Variants in PTPN4 observed in about 807,000 individuals in gnomAD.
PTPN4 encodes the protein tyrosine-protein phosphatase non-receptor type 4.
In PTPN4, 49 loss-of-function variants were observed where a neutral mutation model predicts 135.5. The observed-to-expected ratio is 0.36, with a 90% confidence interval of 0.29 to 0.46. The LOEUF (loss-of-function observed/expected upper bound fraction) is 0.46. Ranked by LOEUF, PTPN4 falls within the 20% of genes least tolerant of loss-of-function variation. PTPN4 has a pLI of 1.00. For synonymous variants in PTPN4, 333 were observed against 369.9 expected (o/e 0.90, Z 1.14); for missense variants, 860 against 1,101.0 (o/e 0.78, Z 3.10).
At position 119,920,269 on chromosome 2, in the gene PTPN4, T is replaced by G. The variant is rs1301314560; in HGVS notation, c.1001+28T>G. On this transcript the variant is annotated intron_variant, in intron 12 of 26. Coordinates refer to ENST00000263708, the MANE Select transcript of PTPN4 (RefSeq NM_002830.4). Reference sequence around the variant, plus strand: ...AAGTATTGCTTCTGTGTTAAGGCTTTATTGTTGGATTTTGTTTCCTTTCTT... The same window carrying G: ...AAGTATTGCTTCTGTGTTAAGGCTTGATTGTTGGATTTTGTTTCCTTTCTT... The G allele has an allele frequency of 1.3e-6, 2 of 1,549,550 alleles. 1 individual carries two copies. The highest frequency in any genetic ancestry group is 4.5e-5 in the East Asian group (2 of 44,162).
intron 2 of PTPN4, among the ~76,000 whole-genome samples, chr2:119,835,087 G>C (rs1677272035): frequency 6.6e-6 from 1 of 152,136 alleles, no homozygotes; most frequent in East Asian, 1.9e-4. Context: ...AAGGAGCTCA[G>C]GGCAGAAAAT....
Position 119,860,972 on chromosome 2 carries a change from C to T in PTPN4, c.139-1564C>T, listed in dbSNP as rs192576060. On this transcript the variant is annotated intron_variant, in intron 2 of 26. Coordinates refer to ENST00000263708, the MANE Select transcript of PTPN4 (RefSeq NM_002830.4). ...AGGAGAATCGCTTGAACGTGGGAGG[C>T]GGAGGTTGCAGTGAGCCAAGATCAG... 1.1e-4 allele frequency among the ~76,000 whole-genome samples: 17 copies of T among 149,860 alleles called. No individual in the cohort carries two copies. The East Asian group carries it at 1.4e-3, about 12-fold the overall frequency.
chr2:119,944,155 G>A (rs998798485), intron 15 of PTPN4, among the ~76,000 whole-genome samples: 4 of 152,174 alleles, frequency 2.6e-5, no homozygotes, highest in African/African-American at 9.7e-5. Context: ...CATGTGGCTT[G>A]ACACAGTAGC....
intron 12 of PTPN4, among the ~76,000 whole-genome samples, chr2:119,923,063 T>C (rs1196282097): frequency 8.5e-5 from 13 of 152,210 alleles, no homozygotes; most frequent in Admixed American, 8.5e-4. Context: ...TGCTAGTGGT[T>C]TATCAGTTTG....
chr2:119,923,652 A>T (rs1678769864), intron 12 of PTPN4, among the ~76,000 whole-genome samples: 1 of 152,160 alleles, frequency 6.6e-6, no homozygotes, highest in South Asian at 2.1e-4. Context: ...TGATTAAAAA[A>T]ATAACTTTTT....
Position 119,981,604 on chromosome 2 carries a change from T to G in PTPN4, c.*4534T>G, listed in dbSNP as rs1423750471. 1 of 152,080 alleles carries G rather than the reference T, an allele frequency of 6.6e-6. No homozygotes were observed. The highest frequency in any genetic ancestry group is 2.4e-5 in the African/African-American group (1 of 41,428). 9.4% of individuals were successfully genotyped at this position (152,080 alleles called of 1,614,324 possible). On this transcript the variant is annotated 3_prime_UTR_variant, in exon 27 of 27. Transcript: ENST00000263708. ...TCCTAAAACATTTTTGAGGGCTAAT[T>G]GATAATAATTTCAGCAATTTTATTA...
In PTPN4 at chr2:119,979,152, G is replaced by A. The variant is rs975812824; in HGVS notation, c.*2082G>A. On this transcript the variant is annotated 3_prime_UTR_variant, in exon 27 of 27. Transcript: ENST00000263708. ...ACTGAGAAAGTAAAATTATGTCGGG[G>A]TCTACACATTAAATGACTGTTTTGG... 18 of 152,132 alleles carry A rather than the reference G, an allele frequency of 1.2e-4. No homozygotes were observed. The highest frequency in any genetic ancestry group is 4.1e-4 in the African/African-American group (17 of 41,532). The allele number at this position is 152,132 out of a possible 1,614,324, so 9.4% of individuals were successfully genotyped here.
At chr2:119,858,469 T>C (rs986742394) in intron 2 of PTPN4, among the ~76,000 whole-genome samples, 7 of 152,238 alleles carry the variant, frequency 4.6e-5, no homozygotes, top group Non-Finnish European at 2.9e-5. Context: ...TTGCCAAATT[T>C]GTAAAAATTT....
intron 12 of PTPN4, among the ~76,000 whole-genome samples, chr2:119,926,091 T>C (rs1678819904): frequency 6.6e-6 from 1 of 152,242 alleles, no homozygotes; most frequent in African/African-American, 2.4e-5. Context: ...ATGCATTAGA[T>C]AGCTATATTT....
intron 2 of PTPN4, among the ~76,000 whole-genome samples, chr2:119,844,374 G>A (rs1007213814): frequency 5.4e-5 from 8 of 147,454 alleles, no homozygotes. Context: ...CTCCCTCCCG[G>A]ACGGGGTGGC....
At chr2:119,764,305 TA>T (rs1419705308) in intron 1 of PTPN4, among the ~76,000 whole-genome samples, 6 of 152,228 alleles carry the variant, frequency 3.9e-5, no homozygotes, top group Non-Finnish European at 8.8e-5. Context: ...CCTTCCCGTT[TA>T]AAAATATATA....
At chr2:119,899,677 T>A (rs1382855822) in intron 9 of PTPN4, among the ~76,000 whole-genome samples, 7 of 152,170 alleles carry the variant, frequency 4.6e-5, no homozygotes, top group Non-Finnish European at 1.0e-4. Flanking sequence ...TTAGGCTCAG[T>A]CTTAACATCT....
chr2:119,905,007 AAAAG>A (rs1465793797), intron 10 of PTPN4, among the ~76,000 whole-genome samples: 3 of 149,886 alleles, frequency 2.0e-5, no homozygotes, highest in Admixed American at 6.7e-5. Context: ...GTAGATGAGA[AAAAG>A]AAAGGAGTCA....
At chr2:119,950,297 CA>C (rs1281545423) in intron 18 of PTPN4, among the ~76,000 whole-genome samples, 9 of 152,098 alleles carry the variant, frequency 5.9e-5, no homozygotes, top group Admixed American at 4.6e-4. Context: ...TGCTAGTGCA[CA>C]GAGGGAATAT....
chr2:119,842,311 G>C (rs774735516), intron 2 of PTPN4, among the ~76,000 whole-genome samples: 1 of 152,182 alleles, frequency 6.6e-6, no homozygotes, highest in Non-Finnish European at 1.5e-5. Context: ...ATTCTCTTTT[G>C]AGAGGAAATA....
chr2:119,848,339 A>G (rs1461283422), intron 2 of PTPN4, among the ~76,000 whole-genome samples: 1 of 151,446 alleles, frequency 6.6e-6, no homozygotes, highest in Non-Finnish European at 1.5e-5. Flanking sequence ...ATGCCCGGCT[A>G]ATTTTTTGTA....
chr2:119,825,591 G>A (rs1431900228), intron 2 of PTPN4, among the ~76,000 whole-genome samples: 1 of 151,280 alleles, frequency 6.6e-6, no homozygotes, highest in Admixed American at 6.6e-5. Flanking sequence ...CACCTCCCAG[G>A]TTCAGGCAAT....
At chr2:119,854,071 G>A (rs1253680178) in intron 2 of PTPN4, among the ~76,000 whole-genome samples, 1 of 152,116 alleles carries the variant, frequency 6.6e-6, no homozygotes, top group East Asian at 1.9e-4. Context: ...TGTCTGATTT[G>A]CATAGGGCTC....
intron 3 of PTPN4, among the ~76,000 whole-genome samples, chr2:119,869,698 G>A (rs541947594): frequency 6.6e-6 from 1 of 152,156 alleles, no homozygotes; most frequent in East Asian, 1.9e-4. Context: ...TGCAGTTTTT[G>A]TTTTTCAAGA....
Sources: gnomAD v4.1 joint callset for allele counts (sites outside exome capture counted in the v4.1 genomes callset) on GRCh38, gnomAD v4.1.1 for gene constraint, MANE v1.5 for transcripts, NCBI Gene and HGNC (gene_info 2026-07-23, HGNC 2026-07-21) for gene names.